NT5C1A: variants seen among roughly 807,000 people sequenced by gnomAD.
The protein encoded by NT5C1A is 5'-nucleotidase, cytosolic IA, also known as cytosolic 5'-nucleotidase 1A.
A neutral mutation model predicts 31.0 loss-of-function variants in NT5C1A; 18 were observed. The observed-to-expected ratio is 0.58, with a 90% CI of 0.40 to 0.86. NT5C1A has a LOEUF of 0.86. Ranked by LOEUF, NT5C1A falls within the 40% of genes least tolerant of loss-of-function variation. NT5C1A has a pLI of 0.00. For missense variants in NT5C1A, 470 were observed against 505.4 expected (o/e 0.93, Z 0.67); for synonymous variants, 185 against 203.6 (o/e 0.91, Z 0.78).
At chr1:39,663,197 C>A in intron 4 of NT5C1A, 115 bp downstream of exon 4, 2 of 1,176,396 alleles carry the variant, frequency 1.7e-6, no homozygotes, top group South Asian at 2.7e-5. Context: ...CTCAGCCTTG[C>A]CTTCTAGTTA....
In NT5C1A at chr1:39,657,417, A is replaced by G. The variant is rs746689044; in HGVS notation, c.*1704T>C. ...AAACCCCAGGGTGTTCTCTTCCCCT[A>G]TTTCCTACCACCACATCTCCAGGCT... On this transcript the variant is annotated 3_prime_UTR_variant, in exon 6 of 6. Transcript: ENST00000235628. 2.2e-4 allele frequency among the ~76,000 whole-genome samples: 34 copies of G among 152,152 alleles called. No homozygotes were observed. The highest frequency in any genetic ancestry group is 4.3e-4 in the Non-Finnish European group (29 of 68,022).
At chr1:39,664,481 T>G in intron 3 of NT5C1A, among the ~76,000 whole-genome samples, 1 of 5,014 alleles carries the variant, frequency 2.0e-4, no homozygotes, top group East Asian at 5.7e-3. Context: ...CTCCCCAGAG[T>G]GGATTTCTCC....
At position 39,658,764 on chromosome 1, in the gene NT5C1A, C is replaced by G. The variant is rs1193404199; in HGVS notation, c.*357G>C. 1.3e-5 allele frequency among the ~76,000 whole-genome samples: 2 copies of G among 152,174 alleles called. No individual in the cohort carries two copies. Among genetic ancestry groups the G allele is most frequent in the Non-Finnish European group, 2.9e-5 (2 of 68,036 alleles). ...GCTTAGAAGCCAGATCCACTCTCTC[C>G]CATAGCAGTGTTGTTTACACCACAT... On this transcript the variant is annotated 3_prime_UTR_variant, in exon 6 of 6. Transcript: ENST00000235628.
intron 1 of NT5C1A, 40 bp downstream of exon 1, chr1:39,671,864 C>G: frequency 6.2e-7 from 1 of 1,609,938 alleles, no homozygotes; most frequent in South Asian, 1.1e-5. Flanking sequence ...TCCGGGGTAA[C>G]CCTTCCCCCG....
chr1:39,665,189 A>C (rs1161726881), intron 3 of NT5C1A, among the ~76,000 whole-genome samples: 1 of 152,184 alleles, frequency 6.6e-6, no homozygotes, highest in Admixed American at 6.5e-5. Flanking sequence ...TAACTGTCTC[A>C]CCTAATCACA....
In NT5C1A at chr1:39,653,012, C is replaced by T. The variant is rs1646440201; in HGVS notation, c.*6109G>A. On this transcript the variant is annotated 3_prime_UTR_variant, in exon 6 of 6. Transcript: ENST00000235628. The stretch of plus-strand genomic sequence containing the variant: ...AATAGGTACTACCCATGTCACAATA[C>T]CAATGGCGCCCTCTAGATTTTTGCA... 6.6e-6 allele frequency among the ~76,000 whole-genome samples: 1 copy of T among 152,110 alleles called. No homozygotes were observed. Among genetic ancestry groups the T allele is most frequent in the African/African-American group, 2.4e-5 (1 of 41,402 alleles).
rs1008659344 is a variant in NT5C1A at position 39,659,293 on chromosome 1, G to A, written c.935C>T (p.Ala312Val). Residue 312 changes from alanine to valine, a missense_variant, in exon 6 of 6, where the codon GCG becomes GTG. Coordinates refer to ENST00000235628, the MANE Select transcript of NT5C1A (RefSeq NM_032526.3). Reference sequence around the variant, plus strand: ...CTTCTCAAGGAGAGGGCCCTTGGGCGCTCCAGCAAGGAACAAGGCTTCATC... The same window carrying A: ...CTTCTCAAGGAGAGGGCCCTTGGGCACTCCAGCAAGGAACAAGGCTTCATC... ...ETDEALFLAGAPKGPLLEKIR... is the reference protein window; with the variant it reads ...ETDEALFLAGVPKGPLLEKIR... The A allele has an allele frequency of 2.5e-6, 4 of 1,613,916 alleles. No homozygotes were observed. The highest frequency in any genetic ancestry group is 1.3e-5 in the African/African-American group (1 of 74,950).
At position 39,663,433 on chromosome 1, in the gene NT5C1A, G is replaced by C; in HGVS notation, c.435C>G (p.Asp145Glu). 6.2e-7 allele frequency: 1 copy of C among 1,613,924 alleles called. No individual in the cohort carries two copies. The highest frequency in any genetic ancestry group is 8.5e-7 in the Non-Finnish European group (1 of 1,179,994). ...TCATGCAGAACCTCTCGATGAACAG[G>C]TCTGGGAAGGAGGTAAAGGACCCAG... is the stretch of plus-strand genomic sequence containing the variant. ...VRLINSINHY[D>E]LFIERFCMTG... The change falls in exon 4 of 6, where the codon GAC (aspartate) becomes GAG (glutamate). Residue 145 changes from aspartate (D) to glutamate (E), a missense_variant and splice_region_variant. Physicochemically the swap from Asp to Glu is conservative, Grantham distance 45. Transcript: ENST00000235628.
intron 3 of NT5C1A, among the ~76,000 whole-genome samples, chr1:39,664,490 C>CCTCCTCTCCTCTCCTCTCCT (rs1646509715): frequency 3.5e-4 from 1 of 2,898 alleles, no homozygotes; most frequent in African/African-American, 1.8e-3. Context: ...GTGGATTTCT[C>CCTCCTCTCCTCTCCTCTCCT]CTCCTCTCCT....
In NT5C1A at chr1:39,656,442, T is replaced by G. The variant is rs1255926615; in HGVS notation, c.*2679A>C. ...TTTTTTCCAGGCCTGAGATGCTCAT[T>G]TGTGATTTCAATAATAGAATTTAGA... On this transcript the variant is annotated 3_prime_UTR_variant, in exon 6 of 6. Transcript: ENST00000235628. 1.3e-5 allele frequency among the ~76,000 whole-genome samples: 2 copies of G among 152,216 alleles called. No homozygotes were observed. Among genetic ancestry groups the G allele is most frequent in the East Asian group, 3.8e-4 (2 of 5,204 alleles).
chr1:39,657,232 T>TAAA lies in NT5C1A; in HGVS notation c.*1888_*1889insTTT, dbSNP rs1361830439. ...CAGTAAAAACTCAGCCCAGCCTTTC[T>TAAA]CTTCTGGCCCAAATCGTTGCTCATT... On this transcript the variant is annotated 3_prime_UTR_variant, in exon 6 of 6. Coordinates refer to ENST00000235628, the MANE Select transcript of NT5C1A (RefSeq NM_032526.3). Among the ~76,000 whole-genome samples, 1 of 152,140 alleles carries TAAA rather than the reference T, an allele frequency of 6.6e-6. No individual in the cohort carries two copies. Among genetic ancestry groups the TAAA allele is most frequent in the Non-Finnish European group, 1.5e-5 (1 of 68,028 alleles).
chr1:39,662,119 C>T (rs976632568), intron 4 of NT5C1A, among the ~76,000 whole-genome samples: 5 of 152,302 alleles, frequency 3.3e-5, no homozygotes, highest in Middle Eastern at 3.4e-3. Flanking sequence ...GGCAACTGGC[C>T]GAGCTCATTC....
In NT5C1A at chr1:39,653,265, G is replaced by A. The variant is rs968446416; in HGVS notation, c.*5856C>T. ...TCGGTGGCCCCCAAGCTGCACATAC[G>A]CAAATGCCCATGTTATGATGGAAAT... On this transcript the variant is annotated 3_prime_UTR_variant, in exon 6 of 6. Transcript: ENST00000235628. Among the ~76,000 whole-genome samples, 2 of 151,470 alleles carry A rather than the reference G, an allele frequency of 1.3e-5. No individual in the cohort carries two copies.
rs1042423080 is a variant in NT5C1A, at chr1:39,656,640, C to G, written c.*2481G>C. ...CATCACCAGGCCCTGGGGGCAAGACCACACAGGTCCCAGAATCCCTGCAGT... is the reference window on the plus strand; with the variant it reads ...CATCACCAGGCCCTGGGGGCAAGACGACACAGGTCCCAGAATCCCTGCAGT... On this transcript the variant is annotated 3_prime_UTR_variant, in exon 6 of 6. Coordinates refer to ENST00000235628, the MANE Select transcript of NT5C1A (RefSeq NM_032526.3). 1.3e-5 allele frequency among the ~76,000 whole-genome samples: 2 copies of G among 152,238 alleles called. No homozygotes were observed. Among genetic ancestry groups the G allele is most frequent in the Admixed American group, 1.3e-4 (2 of 15,290 alleles).
At chr1:39,671,756 G>T in intron 1 of NT5C1A, 148 bp downstream of exon 1, 1 of 929,800 alleles carries the variant, frequency 1.1e-6, no homozygotes, top group Non-Finnish European at 1.6e-6. Flanking sequence ...ATAAACCCGA[G>T]CCCGCGCCAG....
chr1:39,662,821 TC>T (rs938076360), intron 4 of NT5C1A, among the ~76,000 whole-genome samples: 2 of 152,162 alleles, frequency 1.3e-5, no homozygotes, highest in Non-Finnish European at 2.9e-5. Context: ...AGTACTTGCA[TC>T]TGGGTCTCCT....
At chr1:39,659,928 C>A (rs950440795) in intron 5 of NT5C1A, among the ~76,000 whole-genome samples, 1 of 152,140 alleles carries the variant, frequency 6.6e-6, no homozygotes, top group African/African-American at 2.4e-5. Context: ...ATCAACCGTG[C>A]CCATCTGGCA....
chr1:39,656,786 T>C lies in NT5C1A; in HGVS notation c.*2335A>G, dbSNP rs1181776092. ...GGCCTTGTAGGCTTCTTGCAGTCACTGGTTCTGTGAGCCTTGGAGGCTCTT... is the reference window on the plus strand; with the variant it reads ...GGCCTTGTAGGCTTCTTGCAGTCACCGGTTCTGTGAGCCTTGGAGGCTCTT... On this transcript the variant is annotated 3_prime_UTR_variant, in exon 6 of 6. Coordinates refer to ENST00000235628, the MANE Select transcript of NT5C1A (RefSeq NM_032526.3). 6.6e-6 allele frequency among the ~76,000 whole-genome samples: 1 copy of C among 152,366 alleles called. No individual in the cohort carries two copies. Among genetic ancestry groups the C allele is most frequent in the Non-Finnish European group, 1.5e-5 (1 of 68,028 alleles).
intron 4 of NT5C1A, 34 bp downstream of exon 4, chr1:39,663,277 CA>C: frequency 6.2e-7 from 1 of 1,613,438 alleles, no homozygotes; most frequent in Middle Eastern, 1.7e-4. Context: ...CCCTTTGCTG[CA>C]CTCCCCATAT....
Sources: gnomAD v4.1 joint callset for allele counts (sites outside exome capture counted in the v4.1 genomes callset) on GRCh38, gnomAD v4.1.1 for gene constraint, MANE v1.5 for transcripts, NCBI Gene and HGNC (gene_info 2026-07-23, HGNC 2026-07-21) for gene names.